The following GFOD1 variants were observed in gnomAD, a reference collection of about 807,000 sequenced individuals.
GFOD1 encodes Gfo/Idh/MocA-like oxidoreductase domain containing 1, also known as glucose-fructose oxidoreductase domain-containing protein 1.
In GFOD1, 9 loss-of-function variants were observed where a neutral mutation model predicts 25.4. That is an observed-to-expected ratio of 0.35 (90% CI 0.21 to 0.62). The LOEUF (loss-of-function observed/expected upper bound fraction) is 0.62. Ranked by LOEUF, GFOD1 falls within the 20% of genes least tolerant of loss-of-function variation. GFOD1 has a pLI of 0.72. For synonymous variants in GFOD1, 253 were observed against 245.6 expected, an observed-to-expected ratio of 1.03 and a Z score of -0.28; for missense variants, 403 against 556.9, an observed-to-expected ratio of 0.72 and a Z score of 2.78.
chr6:13,399,178 G>C (rs995903063), intron 1 of GFOD1, among the ~76,000 whole-genome samples: 1 of 152,066 alleles, frequency 6.6e-6, no homozygotes, highest in Admixed American at 6.6e-5. Context: ...TTGGTGGTGG[G>C]GGAGGGAGGG....
chr6:13,374,726 A>ATT (rs1785224004), intron 1 of GFOD1, among the ~76,000 whole-genome samples: 1 of 121,228 alleles, frequency 8.2e-6, no homozygotes, highest in Non-Finnish European at 1.8e-5. Flanking sequence ...ATCATCTCAA[A>ATT]TCTTTTTTTT....
At chr6:13,383,980 A>G (rs1785416227) in intron 1 of GFOD1, among the ~76,000 whole-genome samples, 1 of 152,226 alleles carries the variant, frequency 6.6e-6, no homozygotes, top group Non-Finnish European at 1.5e-5. Flanking sequence ...AAATCCTAAC[A>G]CTTTGGGAGG....
At chr6:13,403,401 C>T (rs893787519) in intron 1 of GFOD1, among the ~76,000 whole-genome samples, 1 of 152,194 alleles carries the variant, frequency 6.6e-6, no homozygotes, top group Non-Finnish European at 1.5e-5. Flanking sequence ...GCTAGGATTA[C>T]AGGCGTGAGC....
chr6:13,391,852 T>C (rs1562203350), intron 1 of GFOD1, among the ~76,000 whole-genome samples: 1 of 152,252 alleles, frequency 6.6e-6, no homozygotes, highest in Non-Finnish European at 1.5e-5. Context: ...ACACAGTCCA[T>C]GTTCAATCAA....
chr6:13,379,059 C>T (rs1471134528), intron 1 of GFOD1, among the ~76,000 whole-genome samples: 2 of 152,224 alleles, frequency 1.3e-5, no homozygotes, highest in Non-Finnish European at 2.9e-5. Context: ...TAACGTGCTA[C>T]TGCCCAGAGC....
chr6:13,393,780 C>CTTTTTTTT lies in GFOD1; in HGVS notation c.254-28126_254-28119dup, dbSNP rs70989854. Among the ~76,000 whole-genome samples, 860 of 120,094 alleles carry CTTTTTTTT rather than the reference C, an allele frequency of 7.2e-3. 3 individuals are homozygous for CTTTTTTTT. The highest frequency in any genetic ancestry group is 0.011 in the Non-Finnish European group (664 of 60,236). The allele number at this position is 120,094 out of a possible 152,430, so 78.8% of individuals were successfully genotyped here. ...CCTTGGCCAATTTCTTTTTTCTTTT[C>CTTTTTTTT]TTTTTTTTTTTTTTTTTGAGACGGA... On this transcript the variant is annotated intron_variant, in intron 1 of 1. Transcript: ENST00000379287.
At chr6:13,446,285 T>C (rs1277056537) in intron 1 of GFOD1, among the ~76,000 whole-genome samples, 1 of 152,128 alleles carries the variant, frequency 6.6e-6, no homozygotes, top group Non-Finnish European at 1.5e-5. Flanking sequence ...GCCTGTACAC[T>C]TGCAATTCCC....
chr6:13,422,799 C>T (rs771027140), intron 1 of GFOD1, among the ~76,000 whole-genome samples: 3 of 152,156 alleles, frequency 2.0e-5, no homozygotes, highest in Non-Finnish European at 4.4e-5. Flanking sequence ...GAATTCTTAG[C>T]AAGAATTTTC....
In GFOD1 at chr6:13,363,155, C is replaced by G. The variant is rs1784972176; in HGVS notation, c.*1588G>C. On this transcript the variant is annotated 3_prime_UTR_variant, in exon 2 of 2. Transcript: ENST00000379287. ...TTGGCTCTTTCTTTCAAGACCAGAT[C>G]TGAATTTTTAAAGAATGGTTTCAGC... 1.3e-5 allele frequency: 2 copies of G among 152,054 alleles called. No homozygotes were observed. The highest frequency in any genetic ancestry group is 1.3e-4 in the Admixed American group (2 of 15,270). 9.4% of individuals were successfully genotyped at this position (152,054 alleles called of 1,614,324 possible).
chr6:13,470,650 G>A, intron 1 of GFOD1: 8 of 1,450,666 alleles, frequency 5.5e-6, no homozygotes, highest in Non-Finnish European at 7.3e-6. Context: ...AGGGAGAAGA[G>A]ACAGAGAAGA....
chr6:13,427,661 G>C (rs948007041), intron 1 of GFOD1, among the ~76,000 whole-genome samples: 2 of 152,120 alleles, frequency 1.3e-5, no homozygotes, highest in African/African-American at 2.4e-5. Flanking sequence ...AAAAAAAAAG[G>C]CTTTGTAATA....
chr6:13,383,755 A>G (rs569810825), intron 1 of GFOD1, among the ~76,000 whole-genome samples: 5 of 152,244 alleles, frequency 3.3e-5, no homozygotes, highest in Non-Finnish European at 7.3e-5. Context: ...GCCAACTAAC[A>G]TCTAATAGGG....
chr6:13,410,496 G>A (rs1194012338), intron 1 of GFOD1, among the ~76,000 whole-genome samples: 1 of 151,630 alleles, frequency 6.6e-6, no homozygotes, highest in Non-Finnish European at 1.5e-5. Context: ...GAACCCAGGA[G>A]GCAGAGGTTG....
chr6:13,486,126 C>T lies in GFOD1; in HGVS notation c.253+512G>A, dbSNP rs1000291714. 5.1e-6 allele frequency: 5 copies of T among 987,204 alleles called. No individual in the cohort carries two copies. The Admixed American group carries it at 1.8e-4, about 36-fold the overall frequency. 61.2% of individuals were successfully genotyped at this position (987,204 alleles called of 1,614,324 possible). ...GCAGGGCGCCACCGCTGCTGAAGGG[C>T]AGGTCCTCTATCGCACCCAAGAAAA... On this transcript the variant is annotated intron_variant, in intron 1 of 1. Transcript: ENST00000379287.
At chr6:13,486,538 A>T in intron 1 of GFOD1, 100 bp downstream of exon 1, 2 of 977,416 alleles carry the variant, frequency 2.0e-6, no homozygotes, top group Non-Finnish European at 3.1e-6. Context: ...GATGCAGGGT[A>T]AGCTTCTGGG....
intron 1 of GFOD1, among the ~76,000 whole-genome samples, chr6:13,417,799 T>C (rs574920771): frequency 1.3e-5 from 2 of 152,330 alleles, no homozygotes; most frequent in African/African-American, 4.8e-5. Context: ...ACAATATCAG[T>C]TGCCATGTTT....
chr6:13,367,074 A>G (rs1469998562), intron 1 of GFOD1, among the ~76,000 whole-genome samples: 1 of 152,046 alleles, frequency 6.6e-6, no homozygotes, highest in Non-Finnish European at 1.5e-5. Flanking sequence ...GTTATCATAT[A>G]TATAAAATGT....
At chr6:13,397,923 TG>T (rs1382448958) in intron 1 of GFOD1, among the ~76,000 whole-genome samples, 13 of 152,260 alleles carry the variant, frequency 8.5e-5, no homozygotes, top group Non-Finnish European at 1.6e-4. Context: ...TTTCCGACTA[TG>T]GGCCACATCC....
chr6:13,485,163 G>A (rs1455426753), intron 1 of GFOD1, among the ~76,000 whole-genome samples: 2 of 152,230 alleles, frequency 1.3e-5, no homozygotes, highest in South Asian at 2.1e-4. Context: ...AACTGACAAT[G>A]TGGGCAGCCT....
Sources: allele counts gnomAD v4.1 joint callset (sites outside exome capture counted in the v4.1 genomes callset), GRCh38; gene constraint gnomAD v4.1.1; transcripts MANE v1.5; gene names NCBI Gene and HGNC (gene_info 2026-07-23, HGNC 2026-07-21).